Variants in MAST2 observed in about 807,000 individuals in gnomAD.
The protein encoded by MAST2 is microtubule-associated serine/threonine-protein kinase 2.
A neutral mutation model predicts 147.4 loss-of-function variants in MAST2; 70 were observed. That is an observed-to-expected ratio of 0.47 (90% CI 0.39 to 0.58). MAST2 has a LOEUF of 0.58. Ranked by LOEUF, MAST2 falls within the 20% of genes least tolerant of loss-of-function variation. The pLI, the probability that MAST2 is intolerant of heterozygous loss-of-function variation, is 0.00. For synonymous variants in MAST2, 869 were observed against 896.8 expected (o/e 0.97, Z 0.55); for missense variants, 2,080 against 2,302.3 (o/e 0.90, Z 1.98).
chr1:45,857,001 C>G (rs987069737), intron 3 of MAST2, among the ~76,000 whole-genome samples: 1 of 152,088 alleles, frequency 6.6e-6, no homozygotes, highest in African/African-American at 2.4e-5. Flanking sequence ...GTATCTCAAA[C>G]GTCAAATTTG....
At chr1:45,979,105 A>G (rs1395426602) in intron 5 of MAST2, among the ~76,000 whole-genome samples, 1 of 152,234 alleles carries the variant, frequency 6.6e-6, no homozygotes, top group East Asian at 1.9e-4. Context: ...AATGATTATC[A>G]TAATATTGAC....
rs1339830035 is a variant in MAST2, at chr1:46,023,884, G to T, written c.1684G>T (p.Asp562Tyr). The change falls in exon 15 of 29, where the codon GAC becomes TAC. Residue 562 changes from aspartate (D) to tyrosine (Y), a missense_variant. Coordinates refer to ENST00000361297, the MANE Select transcript of MAST2 (RefSeq NM_015112.3). The surrounding 1 kb of genome is among the most constrained non-coding windows in gnomAD (Gnocchi z 4.9). ...NQIQQAFVER[D>Y]ILTFAENPFV... ...GATCCAGCAGGCCTTCGTGGAGCGTGACATACTGACTTTCGCTGAGAACCC... is the reference window on the plus strand; with the variant it reads ...GATCCAGCAGGCCTTCGTGGAGCGTTACATACTGACTTTCGCTGAGAACCC... The T allele has an allele frequency of 6.2e-7, 1 of 1,614,066 alleles. No homozygotes were observed. Among genetic ancestry groups the T allele is most frequent in the Non-Finnish European group, 8.5e-7 (1 of 1,180,044 alleles).
intron 9 of MAST2, 105 bp downstream of exon 9, chr1:46,008,476 G>C: frequency 1.4e-6 from 1 of 728,550 alleles, no homozygotes; most frequent in Non-Finnish European, 2.4e-6. Flanking sequence ...GCTACCTCCA[G>C]AGATAACCAA....
chr1:45,932,306 C>T (rs553803107), intron 4 of MAST2, among the ~76,000 whole-genome samples: 1 of 152,058 alleles, frequency 6.6e-6, no homozygotes, highest in African/African-American at 2.4e-5. Context: ...CTTTCTATAC[C>T]CATCAGTTGG....
At chr1:45,860,371 G>A (rs1439669000) in intron 3 of MAST2, among the ~76,000 whole-genome samples, 8 of 111,432 alleles carry the variant, frequency 7.2e-5, no homozygotes, top group Admixed American at 6.1e-4. Context: ...GTGACAGAGT[G>A]AGAATCTGTC....
chr1:45,942,824 A>G (rs753425594), intron 4 of MAST2, among the ~76,000 whole-genome samples: 4 of 152,226 alleles, frequency 2.6e-5, no homozygotes, highest in Non-Finnish European at 5.9e-5. Flanking sequence ...ATGCAAATTT[A>G]TATTACTTTT....
At chr1:45,974,166 G>A (rs1240277471) in intron 5 of MAST2, among the ~76,000 whole-genome samples, 2 of 152,186 alleles carry the variant, frequency 1.3e-5, no homozygotes, top group East Asian at 1.9e-4. Flanking sequence ...GAGGGGATGG[G>A]ATCTAGTAAA....
chr1:45,960,721 A>G (rs1660298606), intron 5 of MAST2, among the ~76,000 whole-genome samples: 1 of 152,160 alleles, frequency 6.6e-6, no homozygotes, highest in South Asian at 2.1e-4. Context: ...CACTCTTTAT[A>G]ATGGAAGATC....
intron 5 of MAST2, among the ~76,000 whole-genome samples, chr1:45,973,750 A>G (rs1169570392): frequency 6.6e-6 from 1 of 152,218 alleles, no homozygotes; most frequent in Non-Finnish European, 1.5e-5. Context: ...TGGAAACCAC[A>G]TAAAAAGAGT....
chr1:45,828,636 T>C (rs1219532120), intron 2 of MAST2, among the ~76,000 whole-genome samples: 1 of 152,138 alleles, frequency 6.6e-6, no homozygotes, highest in East Asian at 1.9e-4. Context: ...TATAAAGTCA[T>C]TGCAGGTCGG....
At chr1:45,811,778 C>T (rs1345293233) in intron 1 of MAST2, among the ~76,000 whole-genome samples, 4 of 150,502 alleles carry the variant, frequency 2.7e-5, no homozygotes, top group Non-Finnish European at 5.9e-5. Flanking sequence ...GGACTACAGG[C>T]GCCCGCCACC....
chr1:45,986,611 A>C (rs11211240), intron 5 of MAST2, among the ~76,000 whole-genome samples: 12 of 151,846 alleles, frequency 7.9e-5, no homozygotes, highest in African/African-American at 2.9e-4. Context: ...CCAGCTACTC[A>C]GAGGCTGAGG....
intron 4 of MAST2, among the ~76,000 whole-genome samples, chr1:45,905,901 T>C (rs1197342620): frequency 1.3e-5 from 2 of 152,214 alleles, no homozygotes; most frequent in Admixed American, 6.5e-5. Context: ...GTTTATACTG[T>C]TGTACTTTCC....
chr1:45,814,557 C>T (rs577179811), intron 1 of MAST2, among the ~76,000 whole-genome samples: 39 of 152,112 alleles, frequency 2.6e-4, no homozygotes, highest in African/African-American at 5.3e-4. Flanking sequence ...TACACCAAGG[C>T]GGGTGTATCA....
At chr1:45,904,847 G>T (rs1005265844) in intron 4 of MAST2, among the ~76,000 whole-genome samples, 4 of 151,794 alleles carry the variant, frequency 2.6e-5, no homozygotes, top group Non-Finnish European at 5.9e-5. Flanking sequence ...TTGCTCTGTT[G>T]CCCAGGCTGG....
intron 1 of MAST2, among the ~76,000 whole-genome samples, chr1:45,818,293 A>G (rs1644517743): frequency 1.3e-5 from 2 of 152,200 alleles, no homozygotes; most frequent in South Asian, 2.1e-4. Flanking sequence ...GACTGACAGC[A>G]GACCACCAAA....
At chr1:45,816,708 T>A (rs910976291) in intron 1 of MAST2, among the ~76,000 whole-genome samples, 7 of 151,960 alleles carry the variant, frequency 4.6e-5, no homozygotes, top group African/African-American at 1.7e-4. Flanking sequence ...TGAGATGGAG[T>A]CTCGCTCTGT....
At chr1:45,962,825 T>C (rs962200133) in intron 5 of MAST2, among the ~76,000 whole-genome samples, 1 of 152,366 alleles carries the variant, frequency 6.6e-6, no homozygotes, top group Non-Finnish European at 1.5e-5. Context: ...CTTTTAGACA[T>C]GAAGTCCTTG....
At chr1:45,950,353 C>A (rs1658750029) in intron 4 of MAST2, among the ~76,000 whole-genome samples, 1 of 152,068 alleles carries the variant, frequency 6.6e-6, no homozygotes, top group South Asian at 2.1e-4. Context: ...AGAATGGACA[C>A]CCCCTACATA....
Sources: gnomAD v4.1 joint callset for allele counts (sites outside exome capture counted in the v4.1 genomes callset) on GRCh38, gnomAD v4.1.1 for gene constraint, Gnocchi (gnomAD v3.1) non-coding constraint, MANE v1.5 for transcripts, NCBI Gene and HGNC (gene_info 2026-07-23, HGNC 2026-07-21) for gene names.